TJP2: variants seen among roughly 807,000 people sequenced by gnomAD.
TJP2 encodes the protein Friedreich ataxia region gene X104 (tight junction protein ZO-2).
In TJP2, 91 loss-of-function variants were observed where a neutral mutation model predicts 133.1. The observed-to-expected ratio is 0.68, with a 90% CI of 0.58 to 0.81. TJP2 has a LOEUF of 0.81. Among genes scored for constraint, TJP2 ranks in the 40% least tolerant of loss-of-function variants. The pLI is 0.00. For missense variants in TJP2, 1,541 were observed against 1,565.6 expected (o/e 0.98, Z 0.26); for synonymous variants, 592 against 583.4 (o/e 1.01, Z -0.21).
chr9:69,251,755 C>T (rs546800121), intron 21 of TJP2, among the ~76,000 whole-genome samples: 1 of 152,144 alleles, frequency 6.6e-6, no homozygotes, highest in African/African-American at 2.4e-5. Context: ...AACAGAAAGG[C>T]CCATAGATTG....
At chr9:69,140,786 C>T (rs1373478669) in intron 1 of TJP2, among the ~76,000 whole-genome samples, 1 of 152,198 alleles carries the variant, frequency 6.6e-6, no homozygotes, top group Non-Finnish European at 1.5e-5. Flanking sequence ...AGCGTAGGAT[C>T]AATTTCTACC....
At chr9:69,162,325 T>A (rs1370970454) in intron 2 of TJP2, among the ~76,000 whole-genome samples, 1 of 151,956 alleles carries the variant, frequency 6.6e-6, no homozygotes, top group South Asian at 2.1e-4. Flanking sequence ...ATTTGTTTCA[T>A]TCTTTTAATC....
chr9:69,248,749 C>T, intron 19 of TJP2: 1 of 996,010 alleles, frequency 1.0e-6, no homozygotes, highest in Non-Finnish European at 1.2e-6. Context: ...ACTGTGCATC[C>T]ACTGTGATTA....
At chr9:69,164,777 G>A (rs73647092) in intron 2 of TJP2, among the ~76,000 whole-genome samples, 2,695 of 152,220 alleles carry the variant, frequency 0.018, 84 homozygotes, top group African/African-American at 0.061. Flanking sequence ...AGAATAGAGG[G>A]GCCGGAAAGC....
intron 1 of TJP2, among the ~76,000 whole-genome samples, chr9:69,130,529 G>A (rs1263271133): frequency 6.6e-6 from 1 of 152,128 alleles, no homozygotes. Flanking sequence ...TCTAACGAGT[G>A]CCCACCCAGG....
At chr9:69,208,534 C>G (rs1827613148) in intron 1 of TJP2, among the ~76,000 whole-genome samples, 1 of 152,102 alleles carries the variant, frequency 6.6e-6, no homozygotes, top group South Asian at 2.1e-4. Context: ...CTACTTGAGC[C>G]ACATTTAAAA....
At chr9:69,233,579 C>T (rs1829948974) in intron 11 of TJP2, among the ~76,000 whole-genome samples, 1 of 152,174 alleles carries the variant, frequency 6.6e-6, no homozygotes, top group South Asian at 2.1e-4. Flanking sequence ...TCGAGACCAG[C>T]CTGGCCAACA....
chr9:69,238,035 A>T, intron 15 of TJP2, 62 bp downstream of exon 15: 1 of 1,221,592 alleles, frequency 8.2e-7, no homozygotes, highest in Non-Finnish European at 1.2e-6. Context: ...CTAACAGAGG[A>T]GTTGGAAGAA....
intron 5 of TJP2, among the ~76,000 whole-genome samples, chr9:69,223,356 G>GCAGTGGCGC (rs1156307434): frequency 1.3e-5 from 2 of 152,186 alleles, no homozygotes; most frequent in Non-Finnish European, 2.9e-5. Flanking sequence ...CGCCCAGGGT[G>GCAGTGGCGC]GAGTGCAGTG....
intron 2 of TJP2, among the ~76,000 whole-genome samples, chr9:69,214,890 C>T (rs1227457065): frequency 1.4e-5 from 2 of 147,688 alleles, no homozygotes; most frequent in South Asian, 2.1e-4. Context: ...ACAAACAAAT[C>T]CATTTACTTC....
At chr9:69,145,747 G>C in intron 1 of TJP2, 1 of 1,232,050 alleles carries the variant, frequency 8.1e-7, no homozygotes, top group Non-Finnish European at 1.0e-6. Flanking sequence ...GCAGCAGTTG[G>C]TATTACCCCA....
chr9:69,162,505 CT>C (rs1296263936), intron 2 of TJP2, among the ~76,000 whole-genome samples: 4 of 152,126 alleles, frequency 2.6e-5, no homozygotes, highest in African/African-American at 9.7e-5. Context: ...TTTCATTCAT[CT>C]GATTTTTAAA....
chr9:69,165,018 C>G (rs112990763), intron 2 of TJP2, among the ~76,000 whole-genome samples: 1 of 152,090 alleles, frequency 6.6e-6, no homozygotes, highest in East Asian at 1.9e-4. Flanking sequence ...TTAGTAGAGA[C>G]GGGGTGTCAC....
At chr9:69,246,824 AG>A (rs763363915) in intron 18 of TJP2, 34 bp downstream of exon 18, 41 of 1,585,112 alleles carry the variant, frequency 2.6e-5, no homozygotes, top group Non-Finnish European at 3.5e-5. Context: ...ATGAGGTGAG[AG>A]TCCCTGTTCT....
At chr9:69,235,318 TATTTA>T (rs1286009027) in intron 12 of TJP2, among the ~76,000 whole-genome samples, 14 of 46,588 alleles carry the variant, frequency 3.0e-4, no homozygotes, top group Non-Finnish European at 5.3e-4. Context: ...TTTATTTATT[TATTTA>T]TTTATTATTA....
rs373899428 is a variant in TJP2 at position 69,199,566 on chromosome 9, G to A, written c.61-12982G>A. Among the ~76,000 whole-genome samples the A allele has an allele frequency of 2.6e-4, 39 of 152,180 alleles. No homozygotes were observed. In the South Asian group the frequency reaches 5.0e-3, roughly 19 times the overall value. ...CACACACACGCATGCACGTACGCAC[G>A]CACCAGAGGGAAACATCATGCAGAA... On this transcript the variant is annotated intron_variant, in intron 1 of 22. Transcript: ENST00000377245.
Position 69,248,227 on chromosome 9 carries a change from G to A in TJP2, c.2880+3G>A, listed in dbSNP as rs759712638. 6.3e-7 allele frequency: 1 copy of A among 1,590,300 alleles called. No homozygotes were observed. The highest frequency in any genetic ancestry group is 8.6e-7 in the Non-Finnish European group (1 of 1,166,936). On this transcript the variant is annotated splice_donor_region_variant and intron_variant, in intron 19 of 22. Coordinates refer to ENST00000377245, the MANE Select transcript of TJP2 (RefSeq NM_004817.4). ...CGGAGCCGGTGCAGCACGAGGAGGTGAGGCGAGGCAGGCCACGGGCAGGAA... is the reference window on the plus strand; with the variant it reads ...CGGAGCCGGTGCAGCACGAGGAGGTAAGGCGAGGCAGGCCACGGGCAGGAA...
intron 21 of TJP2, among the ~76,000 whole-genome samples, chr9:69,252,122 A>G (rs1321028005): frequency 1.3e-5 from 2 of 152,048 alleles, no homozygotes; most frequent in Non-Finnish European, 2.9e-5. Context: ...AGCCTCCTGA[A>G]TAGCTGTAAC....
intron 1 of TJP2, among the ~76,000 whole-genome samples, chr9:69,207,931 T>G (rs2486451): frequency 0.51 from 77,739 of 152,092 alleles, 20,312 homozygotes; most frequent in East Asian, 0.63. Flanking sequence ...GGAAAGACAC[T>G]CAGTAGTTTG....
Sources: allele counts gnomAD v4.1 joint callset (sites outside exome capture counted in the v4.1 genomes callset), GRCh38; gene constraint gnomAD v4.1.1; transcripts MANE v1.5; gene names NCBI Gene and HGNC (gene_info 2026-07-23, HGNC 2026-07-21).